BMPR2: variants seen among roughly 807,000 people sequenced by gnomAD.
BMPR2 encodes bone morphogenetic protein receptor type 2, also known as bone morphogenetic protein receptor type-2.
BMPR2 carries 29 observed loss-of-function variants against 100.8 expected under a neutral mutation model. The ratio of observed to expected loss-of-function variants is 0.29; its 90% confidence interval spans 0.21 to 0.39. The LOEUF is 0.39. Among genes scored for constraint, BMPR2 ranks in the 10% least tolerant of loss-of-function variants. The pLI is 1.00. For synonymous variants in BMPR2, 382 were observed against 442.3 expected (o/e 0.86, Z 1.71); for missense variants, 1,011 against 1,274.5 (o/e 0.79, Z 3.15).
intron 1 of BMPR2, among the ~76,000 whole-genome samples, chr2:202,455,977 A>C (rs1262577542): frequency 7.3e-6 from 1 of 136,838 alleles, no homozygotes; most frequent in African/African-American, 2.7e-5. Context: ...AGGCAGGAGA[A>C]TGGTGTGAAC....
chr2:202,381,353 A>G (rs1161884317), intron 1 of BMPR2, among the ~76,000 whole-genome samples: 1 of 152,174 alleles, frequency 6.6e-6, no homozygotes, highest in Non-Finnish European at 1.5e-5. Flanking sequence ...GCATGCAACA[A>G]TAGGCATTTA....
At chr2:202,386,264 C>T (rs1168641121) in intron 1 of BMPR2, among the ~76,000 whole-genome samples, 1 of 152,158 alleles carries the variant, frequency 6.6e-6, no homozygotes, top group Non-Finnish European at 1.5e-5. Context: ...TTGCATGTAG[C>T]CAACTGTGTA....
chr2:202,402,056 T>C (rs1690777222), intron 1 of BMPR2, among the ~76,000 whole-genome samples: 1 of 152,262 alleles, frequency 6.6e-6, no homozygotes, highest in Non-Finnish European at 1.5e-5. Context: ...ATTAAGCTAA[T>C]GCTGAATTAT....
At chr2:202,535,164 G>A (rs1248409775) in intron 9 of BMPR2, among the ~76,000 whole-genome samples, 32 of 144,972 alleles carry the variant, frequency 2.2e-4, no homozygotes, top group South Asian at 4.4e-4. Flanking sequence ...CGGATGGGGC[G>A]GCTGGCCTGG....
chr2:202,514,864 G>T (rs1296313690), intron 4 of BMPR2, 24 bp from the exon 5 acceptor site: 2 of 1,572,162 alleles, frequency 1.3e-6, no homozygotes, highest in African/African-American at 2.7e-5. Flanking sequence ...CCATATATTA[G>T]TAACCTGTTT....
At position 202,557,901 on chromosome 2, in the gene BMPR2, T is replaced by A. The variant is rs10184614; in HGVS notation, c.2866+1370T>A. On this transcript the variant is annotated intron_variant, in intron 12 of 12. Coordinates refer to ENST00000374580, the MANE Select transcript of BMPR2 (RefSeq NM_001204.7). The stretch of plus-strand genomic sequence containing the variant: ...AGTTCAAGAGCTCCAAGTAATGTTA[T>A]ACCAGTATAATCTTTGAAACATTTT... Among the ~76,000 whole-genome samples the A allele has an allele frequency of 9.6e-3, 1,467 of 152,300 alleles. 18 individuals are homozygous for A. Among genetic ancestry groups the A allele is most frequent in the African/African-American group, 0.032 (1,319 of 41,552 alleles).
At chr2:202,456,363 A>G (rs1692104542) in intron 1 of BMPR2, among the ~76,000 whole-genome samples, 1 of 151,250 alleles carries the variant, frequency 6.6e-6, no homozygotes, top group African/African-American at 2.4e-5. Context: ...TACTTTTAGT[A>G]GCGATGGGGT....
At chr2:202,431,881 G>A (rs1160993579) in intron 1 of BMPR2, among the ~76,000 whole-genome samples, 1 of 150,540 alleles carries the variant, frequency 6.6e-6, no homozygotes, top group Non-Finnish European at 1.5e-5. Context: ...GTACAAAAGA[G>A]TAGCCAATGA....
At chr2:202,441,531 C>T (rs551892137) in intron 1 of BMPR2, among the ~76,000 whole-genome samples, 2 of 144,722 alleles carry the variant, frequency 1.4e-5, no homozygotes, top group African/African-American at 5.3e-5. Flanking sequence ...GGTGAAACCC[C>T]GTCTCTACTA....
chr2:202,540,447 A>G (rs1688250302), intron 9 of BMPR2, among the ~76,000 whole-genome samples: 1 of 152,204 alleles, frequency 6.6e-6, no homozygotes, highest in South Asian at 2.1e-4. Flanking sequence ...TGTTGATGTT[A>G]TTGATCAACA....
At chr2:202,402,390 C>T (rs142272579) in intron 1 of BMPR2, among the ~76,000 whole-genome samples, 8 of 152,060 alleles carry the variant, frequency 5.3e-5, no homozygotes, top group Non-Finnish European at 8.8e-5. Flanking sequence ...TGGTGGCACA[C>T]GCCTGTATCC....
intron 9 of BMPR2, among the ~76,000 whole-genome samples, chr2:202,535,106 G>A (rs1357302499): frequency 2.2e-5 from 3 of 133,704 alleles, no homozygotes; most frequent in African/African-American, 8.5e-5. Context: ...CCTCCCTCCC[G>A]GACGGGGCGG....
rs143334508 is a variant in BMPR2 at position 202,414,947 on chromosome 2, C to T, written c.76+37397C>T. Among the ~76,000 whole-genome samples, 303 of 152,020 alleles carry T rather than the reference C, an allele frequency of 2.0e-3. 1 individual carries two copies. The highest frequency in any genetic ancestry group is 6.0e-3 in the African/African-American group (250 of 41,496). ...TAGAGATGGGGTTTCGCCACATTGTCCAGGCTGGTCTTGAACTCAGGTGAT... is the reference window on the plus strand; with the variant it reads ...TAGAGATGGGGTTTCGCCACATTGTTCAGGCTGGTCTTGAACTCAGGTGAT... On this transcript the variant is annotated intron_variant, in intron 1 of 12. Transcript: ENST00000374580.
At chr2:202,430,947 G>A (rs1179458297) in intron 1 of BMPR2, among the ~76,000 whole-genome samples, 4 of 145,596 alleles carry the variant, frequency 2.7e-5, no homozygotes, top group Non-Finnish European at 5.9e-5. Flanking sequence ...CAACAAGAGC[G>A]AAACTCTGTC....
rs374340113 is a variant in BMPR2 at position 202,540,845 on chromosome 2, C to T, written c.1277-1466C>T. Among the ~76,000 whole-genome samples, 16 of 152,138 alleles carry T rather than the reference C, an allele frequency of 1.1e-4. No homozygotes were observed. In the East Asian group the frequency reaches 2.3e-3, roughly 22 times the overall value. On this transcript the variant is annotated intron_variant, in intron 9 of 12. Coordinates refer to ENST00000374580, the MANE Select transcript of BMPR2 (RefSeq NM_001204.7). ...CTAAATGCCTTATCCTCTGTCTTGG[C>T]GTTCTTCCTTCTAATTTATCTTGTC...
At chr2:202,429,036 A>G (rs140468615) in intron 1 of BMPR2, among the ~76,000 whole-genome samples, 1 of 152,232 alleles carries the variant, frequency 6.6e-6, no homozygotes, top group African/African-American at 2.4e-5. Context: ...TTCAGGGCCT[A>G]TACTAGTTCC....
intron 7 of BMPR2, among the ~76,000 whole-genome samples, chr2:202,524,415 A>T (rs1383245292): frequency 6.6e-6 from 1 of 151,942 alleles, no homozygotes; most frequent in Non-Finnish European, 1.5e-5. Context: ...TACACGAATA[A>T]CAGGATCATT....
At chr2:202,464,245 G>T (rs1360591963) in intron 1 of BMPR2, among the ~76,000 whole-genome samples, 1 of 150,002 alleles carries the variant, frequency 6.7e-6, no homozygotes, top group Non-Finnish European at 1.5e-5. Flanking sequence ...GAACAATTCA[G>T]TTATTTTTTT....
chr2:202,536,933 T>G (rs1444291689), intron 9 of BMPR2, among the ~76,000 whole-genome samples: 1 of 150,960 alleles, frequency 6.6e-6, no homozygotes, highest in Non-Finnish European at 1.5e-5. Context: ...AGGGTCTCAC[T>G]CCTGCCCAGG....
Sources: allele counts gnomAD v4.1 joint callset (sites outside exome capture counted in the v4.1 genomes callset), GRCh38; gene constraint gnomAD v4.1.1; transcripts MANE v1.5; gene names NCBI Gene and HGNC (gene_info 2026-07-23, HGNC 2026-07-21).